CCP110: variants seen among roughly 807,000 people sequenced by gnomAD.
The protein encoded by CCP110 is centriolar coiled-coil protein of 110 kDa.
Under a neutral mutation model 105.5 loss-of-function variants are expected in CCP110, and 43 were observed. The ratio of observed to expected loss-of-function variants is 0.41; its 90% CI spans 0.32 to 0.53. The LOEUF is 0.53. Among genes scored for constraint, CCP110 ranks in the 20% least tolerant of loss-of-function variants. The pLI is 0.32. For synonymous variants in CCP110, 353 were observed against 392.1 expected (o/e 0.90, Z 1.18); for missense variants, 1,016 against 1,189.1 (o/e 0.85, Z 2.14).
Position 19,548,325 on chromosome 16 carries a change from A to G in CCP110, c.2901-190A>G, listed in dbSNP as rs923240028. On this transcript the variant is annotated intron_variant, in intron 13 of 14. Transcript: ENST00000381396. This position sits in a 1 kb window ranked among gnomAD's most constrained non-coding sequence, Gnocchi z 4.1. ...CACCGAAGTGATTCTCCAACAGAGTATGACTCGTGCTTATAGTCTCCTGCT... is the reference window on the plus strand; with the variant it reads ...CACCGAAGTGATTCTCCAACAGAGTGTGACTCGTGCTTATAGTCTCCTGCT... 5.1e-5 allele frequency: 30 copies of G among 585,972 alleles called. No individual in the cohort carries two copies. The highest frequency in any genetic ancestry group is 8.7e-5 in the Non-Finnish European group (29 of 333,244). 36.3% of individuals were successfully genotyped at this position (585,972 alleles called of 1,614,324 possible).
intron 4 of CCP110, among the ~76,000 whole-genome samples, chr16:19,539,218 C>T (rs1399549017): frequency 6.6e-6 from 1 of 151,802 alleles, no homozygotes; most frequent in Non-Finnish European, 1.5e-5. Context: ...CGTTTTTCTC[C>T]TTCATTACCC....
chr16:19,533,913 A>T (rs567524179), intron 3 of CCP110, among the ~76,000 whole-genome samples: 5 of 152,204 alleles, frequency 3.3e-5, no homozygotes, highest in Non-Finnish European at 7.3e-5. Flanking sequence ...TTTTCCTTTG[A>T]CATGTGATTT....
chr16:19,534,601 C>A (rs1296345543), intron 3 of CCP110, among the ~76,000 whole-genome samples: 4 of 152,080 alleles, frequency 2.6e-5, no homozygotes, highest in Non-Finnish European at 5.9e-5. Context: ...AATATGCATC[C>A]TTTTTGTTTT....
At chr16:19,536,116 T>A in exon 4 of CCP110, 1 of 1,613,922 alleles carries the variant, frequency 6.2e-7, no homozygotes, top group Non-Finnish European at 8.5e-7. Context: ...TGCCATTGGA[T>A]AATGAGGACC....
At chr16:19,536,371 G>T in exon 4 of CCP110, 1 of 1,612,538 alleles carries the variant, frequency 6.2e-7, no homozygotes, top group Non-Finnish European at 8.5e-7. Flanking sequence ...TGATGAAAAA[G>T]TCAAAGGAAT....
At position 19,544,909 on chromosome 16, in the gene CCP110, G is replaced by A; in HGVS notation, c.2586+11G>A. The stretch of plus-strand genomic sequence containing the variant: ...AGAGTGTTAGCTCAGGTAAATACAT[G>A]GATCCTGAAGGCTTTTAAGACATGG... On this transcript the variant is annotated intron_variant, in intron 9 of 14. Transcript: ENST00000381396. 7.4e-7 allele frequency: 1 copy of A among 1,360,040 alleles called. No individual in the cohort carries two copies. Among genetic ancestry groups the A allele is most frequent in the South Asian group, 1.2e-5 (1 of 81,442 alleles). The allele number at this position is 1,360,040 out of a possible 1,614,324, so 84.2% of individuals were successfully genotyped here.
At position 19,537,516 on chromosome 16, in the gene CCP110, T is replaced by C. The variant is rs747221137; in HGVS notation, c.1847T>C (p.Leu616Ser). 8 of 1,604,664 alleles carry C rather than the reference T, an allele frequency of 5.0e-6. No individual in the cohort carries two copies. The Admixed American group carries it at 1.4e-4, about 28-fold the overall frequency. Residue 616 changes from leucine to serine, a missense_variant, in exon 4 of 15, where the codon TTG (leucine) becomes TCG (serine). By Grantham distance (145) the Leu-to-Ser change is moderately radical (BLOSUM62 -2). Coordinates refer to ENST00000381396, the Ensembl canonical transcript of CCP110. ...ATAACTGAACAAGAAAGGCAACATT[T>C]GCCAGAAAAAAGATACCCTAAGGGA...
chr16:19,537,918 C>T (rs1046194799), intron 4 of CCP110, among the ~76,000 whole-genome samples: 2 of 152,090 alleles, frequency 1.3e-5, no homozygotes, highest in Non-Finnish European at 1.5e-5. Flanking sequence ...CCACCATGCC[C>T]GGCTAATTTT....
intron 2 of CCP110, among the ~76,000 whole-genome samples, chr16:19,530,146 C>G (rs1039694790): frequency 2.6e-5 from 4 of 151,750 alleles, no homozygotes; most frequent in African/African-American, 9.7e-5. Flanking sequence ...GCGGTGAACC[C>G]TGATCATGCC....
At position 19,548,759 on chromosome 16, in the gene CCP110, G is replaced by A. The variant is rs774486526; in HGVS notation, c.2986+159G>A. Among the ~76,000 whole-genome samples, 8 of 152,158 alleles carry A rather than the reference G, an allele frequency of 5.3e-5. No homozygotes were observed. The highest frequency in any genetic ancestry group is 2.1e-4 in the South Asian group (1 of 4,832). On this transcript the variant is annotated intron_variant, in intron 14 of 14. Transcript: ENST00000381396. The surrounding 1 kb of genome is among the most constrained non-coding windows in gnomAD (Gnocchi z 4.1). ...ATTAGTGTTCTTTGGTCTTAGCATT[G>A]TATGGCAGTCAGGAAGTCTTAGTAA...
intron 3 of CCP110, among the ~76,000 whole-genome samples, chr16:19,535,509 T>C (rs1225878482): frequency 6.6e-6 from 1 of 152,202 alleles, no homozygotes; most frequent in East Asian, 1.9e-4. Flanking sequence ...TTACTTGCTG[T>C]TTATTGCATA....
At chr16:19,547,888 T>C (rs929185026) in intron 12 of CCP110, 67 bp from the exon 13 acceptor site, 1 of 1,128,728 alleles carries the variant, frequency 8.9e-7, no homozygotes, top group Non-Finnish European at 1.4e-6. Context: ...CTTTCATCCG[T>C]TGAAAGAAAA....
At chr16:19,540,019 G>A (rs8046828) in intron 4 of CCP110, among the ~76,000 whole-genome samples, 4,221 of 152,036 alleles carry the variant, frequency 0.028, 77 homozygotes, top group Non-Finnish European at 0.041. Context: ...CTGACCTCAA[G>A]TGATCCACCT....
chr16:19,541,649 GGAGAGAGAGA>G (rs142905705), intron 5 of CCP110, among the ~76,000 whole-genome samples: 41,391 of 128,728 alleles, frequency 0.32, 7,660 homozygotes, highest in East Asian at 0.57. Context: ...GAGAGAGAGA[GGAGAGAGAGA>G]GAGAGAGAGA....
chr16:19,553,295 TTTTAC>T (rs1970699195), exon 15 of CCP110: 1 of 152,242 alleles, frequency 6.6e-6, no homozygotes, highest in South Asian at 2.1e-4. Flanking sequence ...TTTTGCTTAT[TTTTAC>T]TTTGAGTGGA....
At chr16:19,534,379 T>A (rs1038605474) in intron 3 of CCP110, among the ~76,000 whole-genome samples, 1 of 152,176 alleles carries the variant, frequency 6.6e-6, no homozygotes, top group African/African-American at 2.4e-5. Context: ...GATAGGAAAA[T>A]TTTATATAAT....
chr16:19,536,424 T>G lies in CCP110; in HGVS notation c.755T>G (p.Ile252Ser), dbSNP rs761466549. 4 of 1,613,670 alleles carry G rather than the reference T, an allele frequency of 2.5e-6. No individual in the cohort carries two copies. The South Asian group carries it at 4.4e-5, about 18-fold the overall frequency. The stretch of plus-strand genomic sequence containing the variant: ...TCTAGACGCAGTCTGAGAGGTAGTA[T>G]CAACAGAATTGTTAATGAGAGTCAT... Residue 252 changes from isoleucine to serine, a missense_variant, in exon 4 of 15, where the codon ATC (isoleucine) becomes AGC (serine). Physicochemically the swap from Ile to Ser is moderately radical, Grantham distance 142 (BLOSUM62 -2). Coordinates refer to ENST00000381396, the Ensembl canonical transcript of CCP110.
At chr16:19,529,906 T>C (rs543389727) in intron 2 of CCP110, among the ~76,000 whole-genome samples, 8 of 152,300 alleles carry the variant, frequency 5.3e-5, no homozygotes, top group African/African-American at 1.9e-4. Flanking sequence ...CAGTTTTTTT[T>C]ATTGGTTGAG....
intron 3 of CCP110, among the ~76,000 whole-genome samples, chr16:19,533,783 C>T (rs1289464873): frequency 6.6e-6 from 1 of 152,116 alleles, no homozygotes; most frequent in Non-Finnish European, 1.5e-5. Context: ...CGAGGAATTT[C>T]CTTGTGAGCA....
Sources: allele counts gnomAD v4.1 joint callset (sites outside exome capture counted in the v4.1 genomes callset), GRCh38; gene constraint gnomAD v4.1.1; non-coding constraint Gnocchi (gnomAD v3.1); transcripts MANE v1.5; gene names NCBI Gene and HGNC (gene_info 2026-07-23, HGNC 2026-07-21).